DIP2C: variants seen among roughly 807,000 people sequenced by gnomAD.
The protein encoded by DIP2C is DIP2 acetate--CoA ligase C (putative), also known as disco-interacting protein 2 homolog C.
DIP2C carries 33 observed loss-of-function variants against 192.4 expected under a neutral mutation model. The observed-to-expected ratio is 0.17, with a 90% CI of 0.13 to 0.23. The LOEUF is 0.23. DIP2C is among the 10% of genes least tolerant of loss of function. The probability of loss-of-function intolerance (pLI) is 1.00; values close to 1 mark genes in which losing one functional copy is unlikely to be tolerated. For synonymous variants in DIP2C, 979 were observed against 864.1 expected, an observed-to-expected ratio of 1.13 and a Z score of -2.33; for missense variants, 1,537 against 2,110.1, an observed-to-expected ratio of 0.73 and a Z score of 5.32.
At chr10:551,280 G>T (rs149101925) in intron 1 of DIP2C, among the ~76,000 whole-genome samples, 1 of 152,052 alleles carries the variant, frequency 6.6e-6, no homozygotes, top group Non-Finnish European at 1.5e-5. Flanking sequence ...CCTGGCTGCC[G>T]CCCACCCCGC....
rs1406163341 is a variant in DIP2C, at chr10:417,965, TG to T, written c.739+1099del. Among the ~76,000 whole-genome samples the T allele has an allele frequency of 1.3e-4, 14 of 108,540 alleles. 1 individual carries two copies. The highest frequency in any genetic ancestry group is 2.1e-4 in the Non-Finnish European group (11 of 52,428). 71.2% of individuals were successfully genotyped at this position (108,540 alleles called of 152,430 possible). Reference sequence around the variant, plus strand: ...ATAGGCCTCCCTGTCCACCTGCACCTGTCAGGGCTCGGATAGGCCTCCCTGT... The same window carrying T: ...ATAGGCCTCCCTGTCCACCTGCACCTTCAGGGCTCGGATAGGCCTCCCTGT... On this transcript the variant is annotated intron_variant, in intron 6 of 36. Transcript: ENST00000280886.
chr10:558,718 G>A (rs1010895310), intron 1 of DIP2C, among the ~76,000 whole-genome samples: 7 of 152,278 alleles, frequency 4.6e-5, no homozygotes, highest in East Asian at 1.9e-4. Context: ...TATACAGGCC[G>A]CCTATGTCAG....
At chr10:418,794 C>A (rs1965976087) in intron 6 of DIP2C, among the ~76,000 whole-genome samples, 1 of 152,240 alleles carries the variant, frequency 6.6e-6, no homozygotes, top group South Asian at 2.1e-4. Flanking sequence ...GCAAAAACGG[C>A]AGCAAATTCT....
At position 384,155 on chromosome 10, in the gene DIP2C, A is replaced by T; in HGVS notation, c.1757-9T>A. 8 of 1,610,462 alleles carry T rather than the reference A, an allele frequency of 5.0e-6. No homozygotes were observed. Among genetic ancestry groups the T allele is most frequent in the Non-Finnish European group, 6.8e-6 (8 of 1,179,230 alleles). ...CACACACGCCACTTTTGCTAAAAAGAAAAATAGAAATAAGTTAACATGTGC... is the reference window on the plus strand; with the variant it reads ...CACACACGCCACTTTTGCTAAAAAGTAAAATAGAAATAAGTTAACATGTGC... On this transcript the variant is annotated splice_polypyrimidine_tract_variant and intron_variant, in intron 15 of 36. Transcript: ENST00000280886.
chr10:596,044 G>T (rs377737300), intron 1 of DIP2C, among the ~76,000 whole-genome samples: 15 of 152,244 alleles, frequency 9.9e-5, no homozygotes, highest in African/African-American at 3.4e-4. Flanking sequence ...ACCCACTAAG[G>T]CCTGTTCCTC....
intron 30 of DIP2C, among the ~76,000 whole-genome samples, chr10:328,524 G>T (rs948119388): frequency 6.6e-6 from 1 of 152,188 alleles, no homozygotes; most frequent in African/African-American, 2.4e-5. Context: ...TGTGCCAACA[G>T]GAAGGTCATG....
chr10:556,801 AGT>A (rs1450532845), intron 1 of DIP2C, among the ~76,000 whole-genome samples: 1 of 152,136 alleles, frequency 6.6e-6, no homozygotes, highest in Non-Finnish European at 1.5e-5. Context: ...ACCCTAAACA[AGT>A]GTGTGCCTTG....
intron 6 of DIP2C, 44 bp downstream of exon 6, chr10:419,020 CA>C (rs1965991025): frequency 1.2e-6 from 2 of 1,613,340 alleles, no homozygotes; most frequent in Middle Eastern, 1.7e-4. Context: ...GACGTCAGCA[CA>C]AACCGTTTAC....
chr10:441,645 C>T (rs913694566), intron 3 of DIP2C, among the ~76,000 whole-genome samples: 3 of 152,200 alleles, frequency 2.0e-5, no homozygotes, highest in Non-Finnish European at 2.9e-5. Flanking sequence ...TTGCTGCTGA[C>T]ATGTAAAAAG....
At chr10:336,859 A>T (rs1258565223) in intron 29 of DIP2C, among the ~76,000 whole-genome samples, 1 of 126,876 alleles carries the variant, frequency 7.9e-6, no homozygotes. Context: ...GGAGGCCTAG[A>T]CTGGTGTGTG....
At chr10:409,136 G>T (rs370518608) in intron 8 of DIP2C, 119 bp from the exon 9 acceptor site, 16 of 917,754 alleles carry the variant, frequency 1.7e-5, no homozygotes, top group South Asian at 3.8e-5. Context: ...GTCTGCAAGC[G>T]ACTTGAAGTG....
rs1424030686 is a variant in DIP2C at position 364,519 on chromosome 10, G to A, written c.2332C>T (p.Leu778=). ...SEYPFIRTGL[L]GFVGPGGLVF... The stretch of plus-strand genomic sequence containing the variant: ...AGGCCTCCGGGACCCACGAACCCCA[G>A]CAAGCCTGTCCTTATGAATGGGTAT... The change falls in exon 20 of 37, where the codon CTG becomes TTG. Residue 778 remains leucine, a synonymous_variant. Coordinates refer to ENST00000280886, the MANE Select transcript of DIP2C (RefSeq NM_014974.3). The A allele has an allele frequency of 6.2e-7, 1 of 1,614,160 alleles. No homozygotes were observed. The highest frequency in any genetic ancestry group is 8.5e-7 in the Non-Finnish European group (1 of 1,180,032).
At chr10:362,722 A>T in intron 21 of DIP2C, 31 bp from the exon 22 acceptor site, 2 of 1,578,802 alleles carry the variant, frequency 1.3e-6, no homozygotes, top group Non-Finnish European at 1.7e-6. Flanking sequence ...AAATCATGTT[A>T]TAAGAGGAAG....
At chr10:552,408 T>C (rs1199953250) in intron 1 of DIP2C, among the ~76,000 whole-genome samples, 1 of 152,218 alleles carries the variant, frequency 6.6e-6, no homozygotes, top group African/African-American at 2.4e-5. Context: ...TGTTTATACT[T>C]TTGCTTTGGA....
intron 33 of DIP2C, 78 bp from the exon 34 acceptor site, chr10:286,425 T>A: frequency 7.8e-7 from 1 of 1,285,074 alleles, no homozygotes; most frequent in Non-Finnish European, 1.1e-6. Context: ...CTCAATCTCA[T>A]CTTTATGCCA....
At chr10:330,462 C>T (rs929502887) in intron 29 of DIP2C, among the ~76,000 whole-genome samples, 4 of 152,096 alleles carry the variant, frequency 2.6e-5, no homozygotes, top group Non-Finnish European at 4.4e-5. Context: ...AGATACCATA[C>T]ATTAAAATAA....
intron 9 of DIP2C, 51 bp from the exon 10 acceptor site, chr10:399,270 T>C (rs1306195875): frequency 7.5e-6 from 11 of 1,472,716 alleles, no homozygotes; most frequent in Non-Finnish European, 9.5e-6. Context: ...CCTGGCTTCC[T>C]AAGACGCCAC....
chr10:591,683 G>A (rs1262153091), intron 1 of DIP2C, among the ~76,000 whole-genome samples: 2 of 152,238 alleles, frequency 1.3e-5, no homozygotes, highest in East Asian at 3.9e-4. Context: ...TTAGACACAA[G>A]GACGAAGCCA....
intron 34 of DIP2C, 107 bp from the exon 35 acceptor site, chr10:283,553 C>A (rs3815985): frequency 0.13 from 180,359 of 1,367,134 alleles, 14,508 homozygotes; most frequent in African/African-American, 0.34. Flanking sequence ...TGATAGTAAA[C>A]GTTTCCTTGG....
Sources: gnomAD v4.1 joint callset for allele counts (sites outside exome capture counted in the v4.1 genomes callset) on GRCh38, gnomAD v4.1.1 for gene constraint, MANE v1.5 for transcripts, NCBI Gene and HGNC (gene_info 2026-07-23, HGNC 2026-07-21) for gene names.